Variants in PLXNA1 observed in about 807,000 individuals in gnomAD.
PLXNA1 encodes the protein plexin A1.
A neutral mutation model predicts 191.7 loss-of-function variants in PLXNA1; 77 were observed. That is an observed-to-expected ratio of 0.40 (90% confidence interval 0.33 to 0.49). PLXNA1 has a LOEUF of 0.49. PLXNA1 is among the 20% of genes least tolerant of loss of function. The pLI is 0.63. For synonymous variants in PLXNA1, 1,137 were observed against 1,156.4 expected, an observed-to-expected ratio of 0.98 and a Z score of 0.34; for missense variants, 2,110 against 2,660.2, an observed-to-expected ratio of 0.79 and a Z score of 4.55.
At chr3:127,001,835 G>A (rs2079042214) in intron 3 of PLXNA1, among the ~76,000 whole-genome samples, 1 of 152,258 alleles carries the variant, frequency 6.6e-6, no homozygotes, top group South Asian at 2.1e-4. Context: ...GGGAGGCAGA[G>A]AGAGGTTTGG....
Position 127,016,588 on chromosome 3 carries a change from A to G in PLXNA1, c.3086A>G (p.Asn1029Ser). 1 of 1,613,988 alleles carries G rather than the reference A, an allele frequency of 6.2e-7. No individual in the cohort carries two copies. The highest frequency in any genetic ancestry group is 2.2e-5 in the East Asian group (1 of 44,872). Residue 1029 changes from asparagine (N) to serine (S), a missense_variant, in exon 16 of 32, where the codon AAC becomes AGC. By Grantham distance (46) the Asn-to-Ser change is conservative. Around this residue, in one of 4 missense-constraint regions of PLXNA1, gnomAD observed 644 missense variants for 714.3 expected, o/e 0.90. Transcript: ENST00000393409. ...QSPGSAPIII[N>S]INRAQLTNPE... The stretch of plus-strand genomic sequence containing the variant: ...CCTGGCAGCGCTCCCATCATCATCA[A>G]CATCAACCGCGCCCAGCTCACCAAC...
At chr3:127,014,881 G>A in intron 14 of PLXNA1, 50 bp downstream of exon 14, 1 of 1,588,002 alleles carries the variant, frequency 6.3e-7, no homozygotes, top group Non-Finnish European at 8.6e-7. Flanking sequence ...CTCTGAGAGG[G>A]TGCCGCTCAG....
rs2079192556 is a variant in PLXNA1 at position 127,029,086 on chromosome 3, C to T, written c.4763C>T (p.Ala1588Val). Residue 1588 changes from alanine to valine, a missense_variant, in exon 26 of 32, where the codon GCT (alanine) becomes GTT (valine). Around this residue, in one of 4 missense-constraint regions of PLXNA1, gnomAD observed 559 missense variants for 911.5 expected, o/e 0.61. Transcript: ENST00000393409. ...DNDWKRLNTL[A>V]HYQVTDGSSV... Reference sequence around the variant, plus strand: ...GATTGGAAGAGGCTGAACACACTGGCTCACTACCAGGTGGCTCCCGGCCCT... The same window carrying T: ...GATTGGAAGAGGCTGAACACACTGGTTCACTACCAGGTGGCTCCCGGCCCT... 1 of 1,613,364 alleles carries T rather than the reference C, an allele frequency of 6.2e-7. No homozygotes were observed. The highest frequency in any genetic ancestry group is 1.3e-5 in the African/African-American group (1 of 74,932).
chr3:126,993,729 G>T (rs896393266), intron 3 of PLXNA1, among the ~76,000 whole-genome samples: 2 of 152,214 alleles, frequency 1.3e-5, no homozygotes, highest in African/African-American at 4.8e-5. Context: ...GTCTGCAGTC[G>T]GGGACTTGGG....
At chr3:127,022,691 G>T in intron 22 of PLXNA1, 61 bp from the exon 23 acceptor site, 2 of 1,460,862 alleles carry the variant, frequency 1.4e-6, no homozygotes, top group Middle Eastern at 1.8e-4. Context: ...GGCCTGCAGG[G>T]GCCCTGTGCC....
At chr3:126,986,484 T>C (rs1460166010) in intron 1 of PLXNA1, among the ~76,000 whole-genome samples, 1 of 152,134 alleles carries the variant, frequency 6.6e-6, no homozygotes, top group Non-Finnish European at 1.5e-5. Flanking sequence ...AGGGAGTGTG[T>C]GGGGAGTGAA....
chr3:127,003,803 G>A (rs1165983772), intron 4 of PLXNA1, among the ~76,000 whole-genome samples: 2 of 152,230 alleles, frequency 1.3e-5, no homozygotes, highest in Non-Finnish European at 2.9e-5. Flanking sequence ...AGAGGCAGGT[G>A]TCACTGGAGG....
chr3:127,023,335 G>A (rs1402012341), intron 23 of PLXNA1, among the ~76,000 whole-genome samples: 2 of 152,264 alleles, frequency 1.3e-5, no homozygotes, highest in African/African-American at 4.8e-5. Context: ...ATCTGGGTGG[G>A]CTTTATCTGG....
chr3:127,004,654 G>A lies in PLXNA1; in HGVS notation c.1562G>A (p.Cys521Tyr). The change falls in exon 5 of 32, where the codon TGT becomes TAT. Residue 521 changes from cysteine to tyrosine, a missense_variant. Around this residue, in one of 4 missense-constraint regions of PLXNA1, gnomAD observed 903 missense variants for 1,015.7 expected, o/e 0.89. Transcript: ENST00000393409. ...PVESCVQYTSCELCLGSRDPH... is the reference protein window; with the variant it reads ...PVESCVQYTSYELCLGSRDPH... ...GAGAGCTGTGTGCAGTACACGTCCTGTGAGCTGTGTCTGGGGTCACGGGAC... is the reference window on the plus strand; with the variant it reads ...GAGAGCTGTGTGCAGTACACGTCCTATGAGCTGTGTCTGGGGTCACGGGAC... The A allele has an allele frequency of 1.3e-6, 2 of 1,586,942 alleles. No homozygotes were observed. Among genetic ancestry groups the A allele is most frequent in the Non-Finnish European group, 8.6e-7 (1 of 1,166,832 alleles).
intron 21 of PLXNA1, 61 bp from the exon 22 acceptor site, chr3:127,022,024 G>C: frequency 6.4e-7 from 1 of 1,570,602 alleles, no homozygotes; most frequent in Non-Finnish European, 8.7e-7. Flanking sequence ...CCCCTCACTG[G>C]TCAGCTTGGG....
intron 14 of PLXNA1, among the ~76,000 whole-genome samples, 175 bp from the exon 15 acceptor site, chr3:127,015,009 C>T (rs1311585053): frequency 6.6e-6 from 1 of 152,168 alleles, no homozygotes; most frequent in African/African-American, 2.4e-5. Context: ...CCCTGGCTCA[C>T]CTTGGGCTGT....
chr3:127,013,893 G>A (rs760721723), intron 10 of PLXNA1, 127 bp from the exon 11 acceptor site: 3 of 796,418 alleles, frequency 3.8e-6, no homozygotes, highest in African/African-American at 1.7e-5. Flanking sequence ...GATGAGGGTG[G>A]AGAGGGAGCG....
chr3:126,985,211 G>A (rs955909089), intron 1 of PLXNA1, among the ~76,000 whole-genome samples: 2 of 152,110 alleles, frequency 1.3e-5, no homozygotes, highest in African/African-American at 4.8e-5. Context: ...GGAAAGGGAA[G>A]GGGACACTGT....
intron 30 of PLXNA1, 39 bp from the exon 31 acceptor site, chr3:127,032,647 G>A (rs770345326): frequency 6.2e-7 from 1 of 1,610,942 alleles, no homozygotes; most frequent in Admixed American, 1.7e-5. Flanking sequence ...GGGGCAGCCT[G>A]GACTCTGCTC....
chr3:126,989,115 TGCCGGGCC>T lies in PLXNA1; in HGVS notation c.523_530del (p.Ala175ThrfsTer46). ...CAGGCAGCATGGCGGGCGTGCTCAT[TGCCGGGCC>T]ACCGGGCCAGGGCCAGGCCAAGCTC... On this transcript the variant is annotated frameshift_variant, in exon 2 of 32. Transcript: ENST00000393409. LOFTEE classifies it high-confidence loss of function. 6.2e-7 allele frequency: 1 copy of T among 1,613,122 alleles called. No individual in the cohort carries two copies. The highest frequency in any genetic ancestry group is 8.5e-7 in the Non-Finnish European group (1 of 1,179,990).
At chr3:126,986,830 A>C (rs2078961593) in intron 1 of PLXNA1, among the ~76,000 whole-genome samples, 1 of 152,234 alleles carries the variant, frequency 6.6e-6, no homozygotes, top group Non-Finnish European at 1.5e-5. Context: ...CACCAGGCAC[A>C]GAGGCTGATG....
chr3:127,030,140 G>C (rs2079201015), intron 28 of PLXNA1, 76 bp downstream of exon 28: 10 of 1,589,774 alleles, frequency 6.3e-6, no homozygotes, highest in Non-Finnish European at 8.6e-6. Context: ...CCCAGAGCAA[G>C]GGCCTCACCC....
chr3:127,013,521 C>T (rs1168461237), intron 10 of PLXNA1, among the ~76,000 whole-genome samples: 5 of 152,220 alleles, frequency 3.3e-5, no homozygotes, highest in Non-Finnish European at 7.3e-5. Context: ...GGGCCCAGCC[C>T]AGCCTTGTTG....
At chr3:126,992,917 T>G (rs1368756296) in intron 3 of PLXNA1, among the ~76,000 whole-genome samples, 2 of 152,096 alleles carry the variant, frequency 1.3e-5, no homozygotes, top group African/African-American at 4.8e-5. Flanking sequence ...CTCGAGCGCA[T>G]GGGGTGGGTG....
Sources: allele counts gnomAD v4.1 joint callset (sites outside exome capture counted in the v4.1 genomes callset), GRCh38; gene constraint gnomAD v4.1.1; regional missense constraint gnomAD v4.1.1; transcripts MANE v1.5; gene names NCBI Gene and HGNC (gene_info 2026-07-23, HGNC 2026-07-21).